ASTN2: variants seen among roughly 807,000 people sequenced by gnomAD.
ASTN2 encodes the protein astrotactin 2.
Under a neutral mutation model 139.8 loss-of-function variants are expected in ASTN2, and 54 were observed. The ratio of observed to expected loss-of-function variants is 0.39; its 90% CI spans 0.31 to 0.48. ASTN2 has a LOEUF of 0.48. Ranked by LOEUF, ASTN2 falls within the 20% of genes least tolerant of loss-of-function variation. The pLI is 0.95. For synonymous variants in ASTN2, 756 were observed against 719.5 expected (o/e 1.05, Z -0.81); for missense variants, 1,565 against 1,725.1 (o/e 0.91, Z 1.64).
intron 10 of ASTN2, among the ~76,000 whole-genome samples, chr9:116,956,790 AAAC>A (rs1364933717): frequency 1.3e-5 from 2 of 152,140 alleles, no homozygotes; most frequent in Non-Finnish European, 2.9e-5. Context: ...AGCAATGAGC[AAAC>A]AAAAAATAAA....
intron 10 of ASTN2, among the ~76,000 whole-genome samples, chr9:116,898,944 G>A (rs1833942600): frequency 6.6e-6 from 1 of 152,060 alleles, no homozygotes; most frequent in Admixed American, 6.5e-5. Flanking sequence ...CTAAAATGCT[G>A]GGATTTCAGG....
chr9:117,268,197 A>C (rs895036282), intron 2 of ASTN2, among the ~76,000 whole-genome samples: 2 of 152,164 alleles, frequency 1.3e-5, no homozygotes, highest in South Asian at 4.1e-4. Flanking sequence ...TGTGGGTAAA[A>C]GCCATGTATG....
At chr9:116,466,792 C>T (rs116528685) in intron 20 of ASTN2, among the ~76,000 whole-genome samples, 2 of 152,178 alleles carry the variant, frequency 1.3e-5, no homozygotes, top group Non-Finnish European at 2.9e-5. Context: ...CTTCCTTGTT[C>T]TCCCAAGCTT....
intron 19 of ASTN2, among the ~76,000 whole-genome samples, chr9:116,519,488 A>G (rs1564338169): frequency 6.6e-6 from 1 of 152,064 alleles, no homozygotes; most frequent in Non-Finnish European, 1.5e-5. Context: ...CCTGTCAAAA[A>G]CCTCTGGGAT....
intron 3 of ASTN2, among the ~76,000 whole-genome samples, chr9:117,163,263 A>C (rs553778531): frequency 1.3e-5 from 2 of 152,212 alleles, no homozygotes; most frequent in East Asian, 3.9e-4. Context: ...AGGTTGGCAA[A>C]TATATGGCAT....
chr9:117,152,955 T>C (rs1272549660), intron 3 of ASTN2, among the ~76,000 whole-genome samples: 1 of 152,160 alleles, frequency 6.6e-6, no homozygotes, highest in Non-Finnish European at 1.5e-5. Flanking sequence ...CATCATTTTA[T>C]GTAATCCTCA....
intron 20 of ASTN2, among the ~76,000 whole-genome samples, chr9:116,478,758 G>A (rs930955983): frequency 6.6e-6 from 1 of 152,006 alleles, no homozygotes; most frequent in African/African-American, 2.4e-5. Context: ...ACTTTGGGAG[G>A]CCAAGACAGG....
At chr9:117,104,318 A>G (rs1829051820) in intron 4 of ASTN2, among the ~76,000 whole-genome samples, 1 of 152,310 alleles carries the variant, frequency 6.6e-6, no homozygotes, top group South Asian at 2.1e-4. Context: ...AAGACCATTG[A>G]AAACAGTGAC....
intron 17 of ASTN2, among the ~76,000 whole-genome samples, chr9:116,627,799 T>G (rs1463368250): frequency 6.6e-6 from 1 of 152,168 alleles, no homozygotes; most frequent in Non-Finnish European, 1.5e-5. Flanking sequence ...TACGTGATAT[T>G]TATTGAGTAC....
chr9:116,853,719 A>G (rs1832670291), intron 11 of ASTN2, among the ~76,000 whole-genome samples: 1 of 152,214 alleles, frequency 6.6e-6, no homozygotes, highest in Non-Finnish European at 1.5e-5. Flanking sequence ...CACCTAAAAC[A>G]GTGTGGAGCA....
At chr9:116,464,953 C>A (rs879039027) in intron 20 of ASTN2, among the ~76,000 whole-genome samples, 1 of 152,214 alleles carries the variant, frequency 6.6e-6, no homozygotes, top group Admixed American at 6.5e-5. Context: ...CTGTTGCAGA[C>A]TATATGAAGA....
chr9:117,272,883 C>T (rs958800705), intron 2 of ASTN2, among the ~76,000 whole-genome samples: 4 of 152,222 alleles, frequency 2.6e-5, no homozygotes, highest in African/African-American at 9.6e-5. Context: ...AACTTTCCCA[C>T]ATTTTACTGT....
At chr9:117,191,127 C>G (rs996723800) in intron 3 of ASTN2, among the ~76,000 whole-genome samples, 3 of 149,258 alleles carry the variant, frequency 2.0e-5, no homozygotes, top group Non-Finnish European at 3.0e-5. Context: ...CCATTTGACC[C>G]AATAATTCCA....
chr9:116,535,845 C>G lies in ASTN2; in HGVS notation c.3356-48345G>C, dbSNP rs544509019. On this transcript the variant is annotated intron_variant, in intron 19 of 22. Transcript: ENST00000313400. Reference sequence around the variant, plus strand: ...GATAATTATGTGTCTTGGAGTTGTTCTTCTTGAGGATTATCTTTGTGGCTT... The same window carrying G: ...GATAATTATGTGTCTTGGAGTTGTTGTTCTTGAGGATTATCTTTGTGGCTT... 2.0e-5 allele frequency among the ~76,000 whole-genome samples: 3 copies of G among 152,190 alleles called. No individual in the cohort carries two copies. The South Asian group carries it at 6.2e-4, about 32-fold the overall frequency.
At chr9:116,978,334 T>C (rs1836411177) in intron 7 of ASTN2, among the ~76,000 whole-genome samples, 1 of 152,180 alleles carries the variant, frequency 6.6e-6, no homozygotes, top group South Asian at 2.1e-4. Context: ...TGCTTAACAA[T>C]GTGAGTTGAA....
rs1554718424 is a variant in ASTN2, at chr9:116,595,345, T to TGTG, written c.3355+22978_3355+22979insCAC. ...TTCTTGTTGTTGCTGTTGTTGTTGT[T>TGTG]GAGACGGAGTCTCACTCTGTTGCCC... On this transcript the variant is annotated intron_variant, in intron 19 of 22. Transcript: ENST00000313400. 8.4e-3 allele frequency among the ~76,000 whole-genome samples: 1,279 copies of TGTG among 152,138 alleles called. 16 individuals carry two copies. Among genetic ancestry groups the TGTG allele is most frequent in the African/African-American group, 0.028 (1,160 of 41,504 alleles).
At chr9:117,228,486 C>T (rs566590244) in intron 2 of ASTN2, among the ~76,000 whole-genome samples, 31 of 152,160 alleles carry the variant, frequency 2.0e-4, no homozygotes, top group African/African-American at 7.0e-4. Context: ...TCTCCCCTAC[C>T]GGGCTAGATC....
chr9:116,560,236 T>G (rs960793979), intron 19 of ASTN2, among the ~76,000 whole-genome samples: 13 of 152,182 alleles, frequency 8.5e-5, no homozygotes, highest in African/African-American at 2.7e-4. Context: ...AACAGCCCAG[T>G]GGCATTTGTA....
intron 1 of ASTN2, among the ~76,000 whole-genome samples, chr9:117,364,950 AACACACAC>A (rs71379275): frequency 0.023 from 2,801 of 121,520 alleles, 29 homozygotes; most frequent in Non-Finnish European, 0.031. Flanking sequence ...CCATCTCTAC[AACACACAC>A]ACACACACAC....
Sources: gnomAD v4.1 joint callset for allele counts (sites outside exome capture counted in the v4.1 genomes callset) on GRCh38, gnomAD v4.1.1 for gene constraint, MANE v1.5 for transcripts, NCBI Gene and HGNC (gene_info 2026-07-23, HGNC 2026-07-21) for gene names.